The following SCN3A variants were observed in gnomAD, a reference collection of about 807,000 sequenced individuals.
SCN3A encodes sodium channel protein type 3 subunit alpha.
Under a neutral mutation model 187.6 loss-of-function variants are expected in SCN3A, and 60 were observed. The observed-to-expected ratio is 0.32, with a 90% CI of 0.26 to 0.40. The LOEUF (loss-of-function observed/expected upper bound fraction) is 0.40. Ranked by LOEUF, SCN3A falls within the 10% of genes least tolerant of loss-of-function variation. SCN3A has a pLI of 1.00. For synonymous variants in SCN3A, 788 were observed against 829.2 expected (o/e 0.95, Z 0.85); for missense variants, 1,601 against 2,428.2 (o/e 0.66, Z 7.16).
intron 5 of SCN3A, among the ~76,000 whole-genome samples, chr2:165,168,162 G>A (rs948832386): frequency 1.3e-5 from 2 of 151,968 alleles, no homozygotes; most frequent in African/African-American, 4.8e-5. Flanking sequence ...CCCCAATCAT[G>A]TTTCCCCTAA....
intron 21 of SCN3A, among the ~76,000 whole-genome samples, 169 bp downstream of exon 21, chr2:165,112,716 C>T (rs910187780): frequency 6.6e-6 from 1 of 152,166 alleles, no homozygotes; most frequent in African/African-American, 2.4e-5. Flanking sequence ...TTAGGACCTC[C>T]TCTACTCTTT....
At chr2:165,164,337 T>C in intron 6 of SCN3A, 55 bp downstream of exon 6, 1 of 1,610,260 alleles carries the variant, frequency 6.2e-7, no homozygotes, top group Non-Finnish European at 8.5e-7. Flanking sequence ...AGACCTTGTT[T>C]GTACTATGAC....
In SCN3A at chr2:165,167,098, A is replaced by G. The variant is rs148607838; in HGVS notation, c.473+1638T>C. ...GTATTTTTAGTAGAGATGGGGTTTC[A>G]CCATGTTGGCCAGGCTGGTCACAAA... is the stretch of plus-strand genomic sequence containing the variant. On this transcript the variant is annotated intron_variant, in intron 5 of 27. Transcript: ENST00000283254. Among the ~76,000 whole-genome samples, 256 of 152,118 alleles carry G rather than the reference A, an allele frequency of 1.7e-3. 6 individuals are homozygous for G. In the East Asian group the frequency reaches 0.044, roughly 26 times the overall value.
At chr2:165,183,933 A>T (rs1691054972) in intron 2 of SCN3A, among the ~76,000 whole-genome samples, 1 of 152,182 alleles carries the variant, frequency 6.6e-6, no homozygotes, top group East Asian at 1.9e-4. Flanking sequence ...GCTGTGAAGG[A>T]CTGGGTCCAT....
At chr2:165,155,278 C>T (rs761834829) in intron 10 of SCN3A, among the ~76,000 whole-genome samples, 4 of 152,170 alleles carry the variant, frequency 2.6e-5, no homozygotes, top group South Asian at 2.1e-4. Flanking sequence ...TCCTGGCACA[C>T]TTGCTTTATG....
In SCN3A at chr2:165,140,834, A is replaced by G. The variant is rs865805390; in HGVS notation, c.1836T>C (p.Phe612=). The change falls in exon 13 of 28, where the codon TTT becomes TTC. Residue 612 remains phenylalanine, a synonymous_variant. Transcript: ENST00000283254. This position sits in a 1 kb window ranked among gnomAD's most constrained non-coding sequence, Gnocchi z 4.2. ...EDSESRRDSL[F]VPHRHGERRN... ...GTCGCTCTCCATGTCTGTGCGGCAC[A>G]AACAGTGAGTCTCTCCTGCTTTCGC... is the stretch of plus-strand genomic sequence containing the variant. 6.2e-7 allele frequency: 1 copy of G among 1,614,148 alleles called. No individual in the cohort carries two copies. The highest frequency in any genetic ancestry group is 8.5e-7 in the Non-Finnish European group (1 of 1,180,024).
In SCN3A at chr2:165,203,196, A is replaced by G. The variant is rs546314972; in HGVS notation, c.-248+627T>C. On this transcript the variant is annotated intron_variant, in intron 1 of 27. Coordinates refer to ENST00000283254, the MANE Select transcript of SCN3A (RefSeq NM_006922.4). Reference sequence around the variant, plus strand: ...GGTAAACATTTAATATAAAATGAATATATTAAAGGATAAAGAAGTAGCATA... The same window carrying G: ...GGTAAACATTTAATATAAAATGAATGTATTAAAGGATAAAGAAGTAGCATA... 4.6e-5 allele frequency among the ~76,000 whole-genome samples: 7 copies of G among 152,158 alleles called. No homozygotes were observed. In the South Asian group the frequency reaches 1.2e-3, roughly 27 times the overall value.
chr2:165,125,717 T>C (rs918003908), intron 18 of SCN3A, among the ~76,000 whole-genome samples: 2 of 152,140 alleles, frequency 1.3e-5, no homozygotes, highest in African/African-American at 4.8e-5. Context: ...GTTATAGAGC[T>C]CTCCTTCACC....
chr2:165,113,468 A>T (rs1369344991), intron 20 of SCN3A, among the ~76,000 whole-genome samples: 1 of 152,216 alleles, frequency 6.6e-6, no homozygotes, highest in Non-Finnish European at 1.5e-5. Flanking sequence ...CATGAAAAAA[A>T]AACCTAAAAT....
At chr2:165,160,815 TTTTG>T (rs1257299942) in intron 9 of SCN3A, among the ~76,000 whole-genome samples, 4 of 152,100 alleles carry the variant, frequency 2.6e-5, no homozygotes, top group African/African-American at 9.7e-5. Context: ...AATTTTTGCA[TTTTG>T]TAGTAGAGAC....
Position 165,090,171 on chromosome 2 carries a change from C to T in SCN3A, c.5982G>A (p.Glu1994=), listed in dbSNP as rs1330278391. 1.3e-6 allele frequency: 2 copies of T among 1,588,768 alleles called. No homozygotes were observed. The highest frequency in any genetic ancestry group is 1.8e-5 in the Admixed American group (1 of 56,522). ...DKPEKESKGK[E]VRENQK is the part of the protein sequence containing the mutation. Reference sequence around the variant, plus strand: ...CTTTTTACTTTTGATTTTCTCTGACCTCTTTTCCTTTGCTTTCTTTTTCTG... The same window carrying T: ...CTTTTTACTTTTGATTTTCTCTGACTTCTTTTCCTTTGCTTTCTTTTTCTG... Residue 1994 remains glutamate, a synonymous_variant, in exon 28 of 28, where the codon GAG becomes GAA. Transcript: ENST00000283254. The surrounding 1 kb of genome is among the most constrained non-coding windows in gnomAD (Gnocchi z 4.0).
Position 165,090,204 on chromosome 2 carries a change from T to C in SCN3A, c.5949A>G (p.Lys1983=), listed in dbSNP as rs771039148. 8.7e-6 allele frequency: 14 copies of C among 1,604,926 alleles called. No homozygotes were observed. The African/African-American group carries it at 1.7e-4, about 20-fold the overall frequency. The part of the protein sequence containing the change: ...VTKPDKEKFE[K]DKPEKESKGK... ...CTTTGCTTTCTTTTTCTGGTTTGTCTTTCTCAAACTTTTCCTTGTCTGGTT... is the reference window on the plus strand; with the variant it reads ...CTTTGCTTTCTTTTTCTGGTTTGTCCTTCTCAAACTTTTCCTTGTCTGGTT... The change falls in exon 28 of 28, where the codon AAA becomes AAG. Residue 1983 remains lysine (K), a synonymous_variant. Transcript: ENST00000283254. The surrounding 1 kb of genome is among the most constrained non-coding windows in gnomAD (Gnocchi z 4.0).
chr2:165,097,576 C>A, intron 22 of SCN3A, 52 bp from the exon 23 acceptor site: 1 of 1,598,262 alleles, frequency 6.3e-7, no homozygotes, highest in Non-Finnish European at 8.5e-7. Context: ...GAATGGAAAC[C>A]ATTCCTTCAA....
At position 165,113,990 on chromosome 2, in the gene SCN3A, A is replaced by C. The variant is rs748712197; in HGVS notation, c.3515-20T>G. ...TACATCCTAAAAATCAAATATAGTT[A>C]ATTAAAAAATATATTTTAATCTTAA... On this transcript the variant is annotated intron_variant, in intron 19 of 27. Transcript: ENST00000283254. The C allele has an allele frequency of 7.0e-7, 1 of 1,432,694 alleles. No homozygotes were observed. The allele number at this position is 1,432,694 out of a possible 1,614,324, so 88.7% of individuals were successfully genotyped here.
At chr2:165,091,691 C>T (rs1416929375) in intron 27 of SCN3A, 1 of 302,952 alleles carries the variant, frequency 3.3e-6, no homozygotes, top group African/African-American at 2.2e-5. Flanking sequence ...ATATTGTTTT[C>T]TATTTTTTAA....
At chr2:165,122,591 G>C (rs185157599) in intron 18 of SCN3A, among the ~76,000 whole-genome samples, 6 of 152,054 alleles carry the variant, frequency 3.9e-5, no homozygotes, top group African/African-American at 1.4e-4. Flanking sequence ...GGTTTTAAAA[G>C]GCTAAAGACT....
At chr2:165,111,378 T>C (rs1686105752) in intron 21 of SCN3A, among the ~76,000 whole-genome samples, 1 of 152,052 alleles carries the variant, frequency 6.6e-6, no homozygotes, top group Non-Finnish European at 1.5e-5. Flanking sequence ...GATAAAAATC[T>C]TTTTGAACCA....
chr2:165,202,472 C>T (rs1692381012), intron 1 of SCN3A, among the ~76,000 whole-genome samples: 1 of 151,960 alleles, frequency 6.6e-6, no homozygotes, highest in Non-Finnish European at 1.5e-5. Context: ...TTTCTGGGAA[C>T]CCTGTCCAAA....
rs138975722 is a variant in SCN3A, at chr2:165,166,247, G to C, written c.474-1727C>G. ...GAATGTATGGGAAGTGTTCATGGCT[G>C]TCCATGGAAGAGAGTCCTAGAGCCT... On this transcript the variant is annotated intron_variant, in intron 5 of 27. Coordinates refer to ENST00000283254, the MANE Select transcript of SCN3A (RefSeq NM_006922.4). 8.5e-5 allele frequency among the ~76,000 whole-genome samples: 13 copies of C among 152,284 alleles called. No individual in the cohort carries two copies. The East Asian group carries it at 2.5e-3, about 29-fold the overall frequency.
Sources: allele counts gnomAD v4.1 joint callset (sites outside exome capture counted in the v4.1 genomes callset), GRCh38; gene constraint gnomAD v4.1.1; non-coding constraint Gnocchi (gnomAD v3.1); transcripts MANE v1.5; gene names NCBI Gene and HGNC (gene_info 2026-07-23, HGNC 2026-07-21).